Variants in TECPR1 observed in about 807,000 individuals in gnomAD.
TECPR1 encodes tectonin beta-propeller repeat containing 1.
A neutral mutation model predicts 162.4 loss-of-function variants in TECPR1; 122 were observed. That is an observed-to-expected ratio of 0.75 (90% confidence interval 0.65 to 0.87). The LOEUF (loss-of-function observed/expected upper bound fraction) is 0.87. TECPR1 is among the 40% of genes least tolerant of loss of function. The pLI, the probability that TECPR1 is intolerant of heterozygous loss-of-function variation, is 0.00. For synonymous variants in TECPR1, 642 were observed against 670.6 expected (o/e 0.96, Z 0.66); for missense variants, 1,432 against 1,618.2 (o/e 0.88, Z 1.97).
chr7:98,232,539 G>A lies in TECPR1; in HGVS notation c.1818+288C>T, dbSNP rs1798472045. 2.0e-5 allele frequency among the ~76,000 whole-genome samples: 3 copies of A among 151,842 alleles called. No homozygotes were observed. The highest frequency in any genetic ancestry group is 2.0e-4 in the Admixed American group (3 of 15,242). Reference sequence around the variant, plus strand: ...CCTCCAGCAGGAAGAGGATGACGTGGTTCCCCTCCCTGGCCACCCTCCCTT... The same window carrying A: ...CCTCCAGCAGGAAGAGGATGACGTGATTCCCCTCCCTGGCCACCCTCCCTT... On this transcript the variant is annotated intron_variant, in intron 12 of 25. Coordinates refer to ENST00000447648, the MANE Select transcript of TECPR1 (RefSeq NM_015395.3). The surrounding 1 kb of genome is among the most constrained non-coding windows in gnomAD (Gnocchi z 4.6).
At chr7:98,238,454 G>A in intron 9 of TECPR1, 55 bp downstream of exon 9, 1 of 1,439,722 alleles carries the variant, frequency 6.9e-7, no homozygotes, top group African/African-American at 1.4e-5. Flanking sequence ...GGTGGCATCA[G>A]GAGCCCCCAT....
At chr7:98,222,719 A>T in intron 21 of TECPR1, 198 bp from the exon 22 acceptor site, 1 of 830,872 alleles carries the variant, frequency 1.2e-6, no homozygotes, top group Non-Finnish European at 1.9e-6. Context: ...GCGAGCAGGG[A>T]AAGCGCCCCC....
chr7:98,217,616 C>T (rs1364214312), intron 25 of TECPR1, 76 bp downstream of exon 25: 2 of 1,523,380 alleles, frequency 1.3e-6, no homozygotes, highest in African/African-American at 2.8e-5. Flanking sequence ...GACAGTCCCA[C>T]AGTGGTCGTC....
rs776335138 is a variant in TECPR1, at chr7:98,225,137, A to T, written c.2514-35T>A. ...GACAACAGGGCAGGTGACGAGGGAG[A>T]CTGGGGAATGAACTGGCTCACTCAG... On this transcript the variant is annotated intron_variant, in intron 17 of 25. Coordinates refer to ENST00000447648, the MANE Select transcript of TECPR1 (RefSeq NM_015395.3). 4.6e-6 allele frequency: 7 copies of T among 1,536,242 alleles called. No homozygotes were observed. The East Asian group carries it at 7.3e-5, about 16-fold the overall frequency.
chr7:98,225,722 T>C (rs1798266444), intron 17 of TECPR1, among the ~76,000 whole-genome samples: 1 of 152,116 alleles, frequency 6.6e-6, no homozygotes, highest in South Asian at 2.1e-4. Context: ...GGTATGATCA[T>C]AGCTCACTGC....
rs762586782 is a variant in TECPR1, at chr7:98,222,425, C to T, written c.3025G>A (p.Ala1009Thr). The T allele has an allele frequency of 5.6e-6, 9 of 1,596,290 alleles. No homozygotes were observed. The highest frequency in any genetic ancestry group is 4.5e-5 in the East Asian group (2 of 44,026). Residue 1009 changes from alanine to threonine, a missense_variant, in exon 22 of 26, where the codon GCC becomes ACC. Coordinates refer to ENST00000447648, the MANE Select transcript of TECPR1 (RefSeq NM_015395.3). ...QVWAVARDGS[A>T]FYRGSVYPSQ... ...GGGTACACGGATCCCCGGTAGAAGG[C>T]GGAGCCGTCCCTTGCCACGGCCCAC...
intron 10 of TECPR1, among the ~76,000 whole-genome samples, chr7:98,234,401 G>A (rs1362320296): frequency 1.3e-5 from 2 of 152,126 alleles, no homozygotes; most frequent in Non-Finnish European, 2.9e-5. Context: ...TGATTCGCTG[G>A]GCTCAGCCTC....
intron 10 of TECPR1, among the ~76,000 whole-genome samples, chr7:98,235,066 CAA>C (rs1480231897): frequency 6.6e-6 from 1 of 152,156 alleles, no homozygotes; most frequent in Non-Finnish European, 1.5e-5. Context: ...TTTTGATTCA[CAA>C]AAGTTTTTAA....
At chr7:98,218,117 T>A in intron 23 of TECPR1, 75 bp from the exon 24 acceptor site, 1 of 1,251,152 alleles carries the variant, frequency 8.0e-7, no homozygotes, top group Non-Finnish European at 1.1e-6. Flanking sequence ...CGGCAGCCGG[T>A]GGCCAGGCCC....
Position 98,217,322 on chromosome 7 carries a change from A to C in TECPR1, c.*68T>G. ...TTGCTCCCACGGTGCACACTCCAGCACAAGAATGGCTCAGCCTTGATCCCC... is the reference window on the plus strand; with the variant it reads ...TTGCTCCCACGGTGCACACTCCAGCCCAAGAATGGCTCAGCCTTGATCCCC... On this transcript the variant is annotated 3_prime_UTR_variant, in exon 26 of 26. Coordinates refer to ENST00000447648, the MANE Select transcript of TECPR1 (RefSeq NM_015395.3). 1 of 1,079,658 alleles carries C rather than the reference A, an allele frequency of 9.3e-7. No homozygotes were observed. The highest frequency in any genetic ancestry group is 1.3e-6 in the Non-Finnish European group (1 of 759,800). 66.9% of individuals were successfully genotyped at this position (1,079,658 alleles called of 1,614,324 possible).
chr7:98,242,774 C>CA (rs1491311487), intron 6 of TECPR1, among the ~76,000 whole-genome samples: 1 of 88,134 alleles, frequency 1.1e-5, no homozygotes, highest in East Asian at 4.8e-4. Context: ...CATCCACCCA[C>CA]CCACCCATCC....
At chr7:98,220,106 C>T (rs538249659) in intron 23 of TECPR1, among the ~76,000 whole-genome samples, 89 of 152,022 alleles carry the variant, frequency 5.9e-4, no homozygotes, top group African/African-American at 2.1e-3. Flanking sequence ...CTTAGGGAGG[C>T]GGAGGTGGGC....
chr7:98,230,599 G>A (rs890267916), intron 15 of TECPR1, among the ~76,000 whole-genome samples: 2 of 152,202 alleles, frequency 1.3e-5, no homozygotes, highest in Admixed American at 6.5e-5. Context: ...AGCTGGAGGC[G>A]GCTGAGCACC....
chr7:98,231,207 G>T lies in TECPR1; in HGVS notation c.2124+17C>A, dbSNP rs1351755642. 1.2e-6 allele frequency: 2 copies of T among 1,610,558 alleles called. No homozygotes were observed. The highest frequency in any genetic ancestry group is 4.5e-5 in the East Asian group (2 of 44,834). On this transcript the variant is annotated intron_variant, in intron 14 of 25. Coordinates refer to ENST00000447648, the MANE Select transcript of TECPR1 (RefSeq NM_015395.3). The stretch of plus-strand genomic sequence containing the variant: ...GCTATCCCTCCCCCCGGCCCGAGGG[G>T]ACCACCGACCACTCACCCAGTCATT...
At chr7:98,221,111 G>C (rs1562932570) in intron 23 of TECPR1, among the ~76,000 whole-genome samples, 1 of 151,686 alleles carries the variant, frequency 6.6e-6, no homozygotes, top group Non-Finnish European at 1.5e-5. Flanking sequence ...AGACCAGCCT[G>C]GCCAATATGG....
chr7:98,244,624 GCC>G lies in TECPR1; in HGVS notation c.476_477del (p.Arg159ProfsTer24), dbSNP rs1798852967. ...TKDKKWNSCV[R>X]RRKWIRYRRY... Reference sequence around the variant, plus strand: ...CTCCTGTACCGGATCCACTTCCGGCGCCGCACACAAGAATTCCACTTCTTGTC... The same window carrying G: ...CTCCTGTACCGGATCCACTTCCGGCGGCACACAAGAATTCCACTTCTTGTC... On this transcript the variant is annotated frameshift_variant, in exon 5 of 26. Transcript: ENST00000447648. LOFTEE classifies it high-confidence loss of function. 6.2e-7 allele frequency: 1 copy of G among 1,612,966 alleles called. No homozygotes were observed. Among genetic ancestry groups the G allele is most frequent in the African/African-American group, 1.3e-5 (1 of 74,918 alleles).
In TECPR1 at chr7:98,231,362, T is replaced by C. The variant is rs1207611334; in HGVS notation, c.1986A>G (p.Ile662Met). The change falls in exon 14 of 26, where the codon ATA (isoleucine) becomes ATG (methionine). Residue 662 changes from isoleucine (I) to methionine (M), a missense_variant. Ile to Met is a conservative substitution (Grantham distance 10). Coordinates refer to ENST00000447648, the MANE Select transcript of TECPR1 (RefSeq NM_015395.3). ...VVHEEKKYIHIFLNEVVALVP... is the reference protein window; with the variant it reads ...VVHEEKKYIHMFLNEVVALVP... Reference sequence around the variant, plus strand: ...CCAGCGCCACCACCTCATTCAGGAATATGTGGATGTACTGTTCACAGAACA... The same window carrying C: ...CCAGCGCCACCACCTCATTCAGGAACATGTGGATGTACTGTTCACAGAACA... 7 of 1,602,582 alleles carry C rather than the reference T, an allele frequency of 4.4e-6. No homozygotes were observed. The South Asian group carries it at 5.6e-5, about 13-fold the overall frequency.
At position 98,218,003 on chromosome 7, in the gene TECPR1, G is replaced by T. The variant is rs754547055; in HGVS notation, c.3197C>A (p.Pro1066Gln). The T allele has an allele frequency of 6.4e-7, 1 of 1,567,838 alleles. No homozygotes were observed. The highest frequency in any genetic ancestry group is 2.4e-5 in the East Asian group (1 of 42,200). The change falls in exon 24 of 26, where the codon CCG becomes CAG. Residue 1066 changes from proline to glutamine, a missense_variant. Transcript: ENST00000447648. The stretch of plus-strand genomic sequence containing the variant: ...CACGTGCTCCCAGCTGGAGCCCTGC[G>T]GGTAGCTGGGCGTGATCCCTTGGCG... The part of the protein sequence containing the change: ...WYRQGITPSY[P>Q]QGSSWEHVSN...
In TECPR1 at chr7:98,241,137, G is replaced by A. The variant is rs747907118; in HGVS notation, c.765C>T (p.Leu255=). 1.2e-6 allele frequency: 2 copies of A among 1,612,776 alleles called. No individual in the cohort carries two copies. The highest frequency in any genetic ancestry group is 2.2e-5 in the East Asian group (1 of 44,884). The change falls in exon 7 of 26, where the codon CTC becomes CTT. Residue 255 remains leucine (L), a synonymous_variant. Transcript: ENST00000447648. This position sits in a 1 kb window ranked among gnomAD's most constrained non-coding sequence, Gnocchi z 5.0. Reference sequence around the variant, plus strand: ...GTCCCTCCCAGAGTGTGGCCCACAGGAGGTCGTGGGGCCCACAGCTGATCT... The same window carrying A: ...GTCCCTCCCAGAGTGTGGCCCACAGAAGGTCGTGGGGCCCACAGCTGATCT... ...VVQISCGPHD[L]LWATLWEGQA... is the part of the protein sequence containing the mutation.
Sources: allele counts gnomAD v4.1 joint callset (sites outside exome capture counted in the v4.1 genomes callset), GRCh38; gene constraint gnomAD v4.1.1; non-coding constraint Gnocchi (gnomAD v3.1); transcripts MANE v1.5; gene names NCBI Gene and HGNC (gene_info 2026-07-23, HGNC 2026-07-21).